The following SLIT2 variants were observed in gnomAD, a reference collection of about 807,000 sequenced individuals.
The protein encoded by SLIT2 is slit guidance ligand 2.
SLIT2 carries 41 observed loss-of-function variants against 185.7 expected under a neutral mutation model. That is an observed-to-expected ratio of 0.22 (90% CI 0.17 to 0.29). The LOEUF (loss-of-function observed/expected upper bound fraction) is 0.29, where lower values mean the gene tolerates loss of function less well. SLIT2 is among the 10% of genes least tolerant of loss of function. The probability of loss-of-function intolerance (pLI) is 1.00; values close to 1 mark genes in which losing one functional copy is unlikely to be tolerated. For synonymous variants in SLIT2, 693 were observed against 680.2 expected (o/e 1.02, Z -0.29); for missense variants, 1,571 against 1,909.0 (o/e 0.82, Z 3.30).
At position 20,333,485 on chromosome 4, in the gene SLIT2, A is replaced by T. The variant is rs1560326202; in HGVS notation, c.395+64604A>T. On this transcript the variant is annotated intron_variant, in intron 4 of 36. Coordinates refer to ENST00000504154, the MANE Select transcript of SLIT2 (RefSeq NM_004787.4). ...CTCCCTCTCCCTCCACTGAAAACAGATTGACTTTGTAGTACTCTGCAATTT... is the reference window on the plus strand; with the variant it reads ...CTCCCTCTCCCTCCACTGAAAACAGTTTGACTTTGTAGTACTCTGCAATTT... Among the ~76,000 whole-genome samples, 3 of 152,104 alleles carry T rather than the reference A, an allele frequency of 2.0e-5. No individual in the cohort carries two copies. In the South Asian group the frequency reaches 6.2e-4, roughly 32 times the overall value.
In SLIT2 at chr4:20,617,422, G is replaced by A. The variant is rs375182431; in HGVS notation, c.4137-17G>A. ...CTTCTGAATGCATTCCCACTCCTGT[G>A]TTCCTCCTCCCTGTAGATGCGTACA... On this transcript the variant is annotated splice_polypyrimidine_tract_variant and intron_variant, in intron 35 of 36. Coordinates refer to ENST00000504154, the MANE Select transcript of SLIT2 (RefSeq NM_004787.4). The A allele has an allele frequency of 2.1e-5, 33 of 1,608,994 alleles. No individual in the cohort carries two copies. In the African/African-American group the frequency reaches 3.2e-4, roughly 16 times the overall value.
At chr4:20,374,351 C>T (rs1247810466) in intron 4 of SLIT2, among the ~76,000 whole-genome samples, 1 of 152,108 alleles carries the variant, frequency 6.6e-6, no homozygotes, top group Non-Finnish European at 1.5e-5. Flanking sequence ...AGAAGGACTT[C>T]TTAATGAATA....
chr4:20,511,129 G>A lies in SLIT2; in HGVS notation c.1050G>A (p.Leu350=). ...APDAFQGLRS[L]NSLVLYGNKI... ...ATGCTTTCCAAGGACTACGCTCTCTGAATTCACTGTAAGTATTCACTGTGT... is the reference window on the plus strand; with the variant it reads ...ATGCTTTCCAAGGACTACGCTCTCTAAATTCACTGTAAGTATTCACTGTGT... Residue 350 remains leucine, a synonymous_variant, in exon 11 of 37, where the codon CTG becomes CTA. Coordinates refer to ENST00000504154, the MANE Select transcript of SLIT2 (RefSeq NM_004787.4). The A allele has an allele frequency of 6.3e-7, 1 of 1,592,540 alleles. No homozygotes were observed. The highest frequency in any genetic ancestry group is 8.6e-7 in the Non-Finnish European group (1 of 1,162,462).
At position 20,597,012 on chromosome 4, in the gene SLIT2, G is replaced by A. The variant is rs574346780; in HGVS notation, c.3561+357G>A. 1.8e-4 allele frequency among the ~76,000 whole-genome samples: 28 copies of A among 151,662 alleles called. No individual in the cohort carries two copies. The South Asian group carries it at 5.2e-3, about 28-fold the overall frequency. On this transcript the variant is annotated intron_variant, in intron 32 of 36. Transcript: ENST00000504154. The stretch of plus-strand genomic sequence containing the variant: ...TAGGAAATCTGCAGCTAGGAAGGGT[G>A]CAGGCGAGAAAGAACACCTGGATTC...
chr4:20,341,712 C>T (rs758451902), intron 4 of SLIT2, among the ~76,000 whole-genome samples: 5 of 152,124 alleles, frequency 3.3e-5, no homozygotes, highest in Non-Finnish European at 7.4e-5. Context: ...AGCCATTTAA[C>T]GCATTATTGA....
intron 4 of SLIT2, among the ~76,000 whole-genome samples, chr4:20,332,879 T>TA (rs1458304278): frequency 6.6e-6 from 1 of 152,104 alleles, no homozygotes; most frequent in Admixed American, 6.6e-5. Context: ...CATAAGTTTT[T>TA]ATGAGACATA....
chr4:20,497,961 C>T (rs1421521941), intron 9 of SLIT2, among the ~76,000 whole-genome samples: 1 of 151,280 alleles, frequency 6.6e-6, no homozygotes, highest in East Asian at 2.0e-4. Context: ...ATCACGAGGT[C>T]AAGAGATCAA....
Position 20,254,906 on chromosome 4 carries a change from C to T in SLIT2, c.179+912C>T. The T allele has an allele frequency of 2.2e-6, 1 of 456,260 alleles. No individual in the cohort carries two copies. Among genetic ancestry groups the T allele is most frequent in the Non-Finnish European group, 4.4e-6 (1 of 226,946 alleles). The allele number at this position is 456,260 out of a possible 1,614,324, so 28.3% of individuals were successfully genotyped here. A position where few individuals can be genotyped will look rare whatever the true frequency, so the allele number is the denominator to read the frequency against. On this transcript the variant is annotated intron_variant, in intron 1 of 36. Coordinates refer to ENST00000504154, the MANE Select transcript of SLIT2 (RefSeq NM_004787.4). The surrounding 1 kb of genome is among the most constrained non-coding windows in gnomAD (Gnocchi z 5.1). ...TCGCGCTCCGTTGCTCGCAGACGTC[C>T]CCGCCTCCCTGTCTTTGCGAGTCTC...
intron 4 of SLIT2, among the ~76,000 whole-genome samples, chr4:20,310,437 G>A (rs1718002324): frequency 6.6e-6 from 1 of 152,072 alleles, no homozygotes; most frequent in Non-Finnish European, 1.5e-5. Flanking sequence ...CATAACCCGA[G>A]TTTCCTAGGG....
At chr4:20,463,645 C>T (rs1197872247) in intron 4 of SLIT2, among the ~76,000 whole-genome samples, 1 of 149,160 alleles carries the variant, frequency 6.7e-6, no homozygotes, top group African/African-American at 2.5e-5. Context: ...GAGGCCGAGG[C>T]GGGTGGATCA....
chr4:20,549,085 A>T lies in SLIT2; in HGVS notation c.2446A>T (p.Ile816Phe). 3.7e-6 allele frequency: 6 copies of T among 1,601,844 alleles called. No homozygotes were observed. The highest frequency in any genetic ancestry group is 5.1e-6 in the Non-Finnish European group (6 of 1,169,230). ...LILSYNRLRC[I>F]PPRTFDGLKS... is the part of the protein sequence containing the mutation. The stretch of plus-strand genomic sequence containing the variant: ...TCTTAGTTACAACCGTCTGAGATGT[A>T]TTCCTCCTCGCACCTTTGATGGATT... The change falls in exon 24 of 37, where the codon ATT becomes TTT. Residue 816 changes from isoleucine to phenylalanine, a missense_variant. This residue lies in a region of SLIT2 where 1,202 missense variants were observed against 1,416.4 expected (regional missense o/e 0.85). Transcript: ENST00000504154.
In SLIT2 at chr4:20,546,071, C is replaced by A; in HGVS notation, c.2317C>A (p.Leu773Ile). ...CCAATTTACACTGGTTCCCAAGGAACTCTCCAACTACAAACATTTAACACT... is the reference window on the plus strand; with the variant it reads ...CCAATTTACACTGGTTCCCAAGGAAATCTCCAACTACAAACATTTAACACT... ...GNQFTLVPKE[L>I]SNYKHLTLID... The change falls in exon 22 of 37, where the codon CTC (leucine) becomes ATC (isoleucine). Residue 773 changes from leucine (L) to isoleucine (I), a missense_variant. Around this residue, in one of 3 missense-constraint regions of SLIT2, gnomAD observed 1,202 missense variants for 1,416.4 expected, o/e 0.85. Transcript: ENST00000504154. 6.3e-7 allele frequency: 1 copy of A among 1,587,998 alleles called. No individual in the cohort carries two copies. The highest frequency in any genetic ancestry group is 8.6e-7 in the Non-Finnish European group (1 of 1,161,990).
intron 29 of SLIT2, among the ~76,000 whole-genome samples, chr4:20,582,431 A>G (rs1726661001): frequency 6.6e-6 from 1 of 152,178 alleles, no homozygotes; most frequent in South Asian, 2.1e-4. Flanking sequence ...TCTGCGGGTG[A>G]TACGTTCCAA....
intron 4 of SLIT2, among the ~76,000 whole-genome samples, chr4:20,341,727 T>C (rs1046480200): frequency 2.0e-5 from 3 of 152,336 alleles, no homozygotes. Flanking sequence ...TATTGACAGA[T>C]ACAAGTTTTA....
chr4:20,288,162 T>G (rs1235289062), intron 4 of SLIT2, among the ~76,000 whole-genome samples: 4 of 152,176 alleles, frequency 2.6e-5, no homozygotes, highest in African/African-American at 9.7e-5. Context: ...TTATTGTAAT[T>G]TATCTGGGAA....
chr4:20,315,253 C>T (rs1052393340), intron 4 of SLIT2, among the ~76,000 whole-genome samples: 2 of 152,112 alleles, frequency 1.3e-5, no homozygotes, highest in Non-Finnish European at 2.9e-5. Flanking sequence ...ATAATGTTTT[C>T]ATCCATGCTT....
At chr4:20,256,880 T>G (rs1711906282) in intron 2 of SLIT2, 137 bp downstream of exon 2, 3 of 518,890 alleles carry the variant, frequency 5.8e-6, no homozygotes, top group Non-Finnish European at 1.0e-5. Context: ...TTTTTCTGTG[T>G]TTATCATTGT....
At chr4:20,594,044 A>G (rs559475415) in intron 30 of SLIT2, among the ~76,000 whole-genome samples, 6 of 145,712 alleles carry the variant, frequency 4.1e-5, no homozygotes, top group Non-Finnish European at 7.5e-5. Context: ...ATATATGTAC[A>G]TATGTACATA....
At chr4:20,306,055 C>G (rs1717517984) in intron 4 of SLIT2, among the ~76,000 whole-genome samples, 1 of 151,852 alleles carries the variant, frequency 6.6e-6, no homozygotes, top group Non-Finnish European at 1.5e-5. Context: ...AAGAAAGAAA[C>G]CCTAGAATCT....
Sources: gnomAD v4.1 joint callset for allele counts (sites outside exome capture counted in the v4.1 genomes callset) on GRCh38, gnomAD v4.1.1 for gene constraint, gnomAD v4.1.1 regional missense constraint, Gnocchi (gnomAD v3.1) non-coding constraint, MANE v1.5 for transcripts, NCBI Gene and HGNC (gene_info 2026-07-23, HGNC 2026-07-21) for gene names.